The following TRA2B variants were observed in gnomAD, a reference collection of about 807,000 sequenced individuals.
TRA2B encodes the protein transformer 2 beta homolog.
Under a neutral mutation model 41.7 loss-of-function variants are expected in TRA2B, and 14 were observed. That is an observed-to-expected ratio of 0.34 (90% CI 0.22 to 0.53). The LOEUF is 0.53. Ranked by LOEUF, TRA2B falls within the 20% of genes least tolerant of loss-of-function variation. The probability of loss-of-function intolerance (pLI) is 0.95; values close to 1 mark genes in which losing one functional copy is unlikely to be tolerated. For missense variants in TRA2B, 167 were observed against 396.8 expected (o/e 0.42, Z 4.92); for synonymous variants, 130 against 128.8 (o/e 1.01, Z -0.06).
At chr3:185,931,795 A>G in intron 1 of TRA2B, 1 of 1,506,814 alleles carries the variant, frequency 6.6e-7, no homozygotes, top group Non-Finnish European at 8.8e-7. Context: ...AGCTTCAAAT[A>G]CTCATTTATA....
intron 1 of TRA2B, among the ~76,000 whole-genome samples, chr3:185,932,235 C>T (rs548974715): frequency 6.8e-4 from 104 of 152,212 alleles, no homozygotes; most frequent in African/African-American, 2.4e-3. Context: ...TACATAAGTG[C>T]ATGAAAGGAA....
At chr3:185,934,660 G>C in intron 1 of TRA2B, 3 of 985,296 alleles carry the variant, frequency 3.0e-6, no homozygotes, top group Non-Finnish European at 3.6e-6. Flanking sequence ...TTAGAAAGAA[G>C]TAGATTCAGA....
At chr3:185,926,271 T>C (rs1743949143) in intron 2 of TRA2B, among the ~76,000 whole-genome samples, 1 of 152,032 alleles carries the variant, frequency 6.6e-6, no homozygotes. Flanking sequence ...CTGCAGTATA[T>C]TTGCCATACT....
At chr3:185,921,535 C>T (rs565386300) in intron 5 of TRA2B, among the ~76,000 whole-genome samples, 1 of 152,082 alleles carries the variant, frequency 6.6e-6, no homozygotes, top group South Asian at 2.1e-4. Flanking sequence ...GAGGCCGAGG[C>T]GGGCAGATCA....
At chr3:185,917,857 GAGAA>G in intron 8 of TRA2B, 132 bp from the exon 9 acceptor site, 1 of 795,132 alleles carries the variant, frequency 1.3e-6, no homozygotes, top group Non-Finnish European at 2.1e-6. Context: ...CCCCCAAATA[GAGAA>G]AGACTTCCAT....
intron 1 of TRA2B, chr3:185,936,862 C>A: frequency 6.1e-6 from 6 of 985,300 alleles, no homozygotes; most frequent in Non-Finnish European, 7.2e-6. Flanking sequence ...CTGTTTAAAC[C>A]CTAGAACTGT....
At position 185,915,060 on chromosome 3, in the gene TRA2B, T is replaced by C. The variant is rs1743455281; in HGVS notation, c.*2655A>G. On this transcript the variant is annotated 3_prime_UTR_variant, in exon 9 of 9. Coordinates refer to ENST00000453386, the MANE Select transcript of TRA2B (RefSeq NM_004593.3). Reference sequence around the variant, plus strand: ...TAAGGAAATGTGCAAGCTAGATCCCTCTCAAGCGCACTTCACAATAGGATT... The same window carrying C: ...TAAGGAAATGTGCAAGCTAGATCCCCCTCAAGCGCACTTCACAATAGGATT... 6.6e-6 allele frequency among the ~76,000 whole-genome samples: 1 copy of C among 152,210 alleles called. No individual in the cohort carries two copies. The highest frequency in any genetic ancestry group is 6.5e-5 in the Admixed American group (1 of 15,284).
rs1412308634 is a variant in TRA2B, at chr3:185,937,917, C to T, written c.-57G>A. ...TTCAATCGAAGCTGCCAACCTCTTG[C>T]ACCTTCCTTAAGGAGGCTCCGCCGC... On this transcript the variant is annotated 5_prime_UTR_variant, in exon 1 of 9. Coordinates refer to ENST00000453386, the MANE Select transcript of TRA2B (RefSeq NM_004593.3). 7 of 1,608,546 alleles carry T rather than the reference C, an allele frequency of 4.4e-6. No individual in the cohort carries two copies. Among genetic ancestry groups the T allele is most frequent in the South Asian group, 1.1e-5 (1 of 90,996 alleles).
intron 6 of TRA2B, 119 bp downstream of exon 6, chr3:185,920,985 G>T: frequency 1.5e-6 from 1 of 687,686 alleles, no homozygotes; most frequent in Non-Finnish European, 2.4e-6. Context: ...TTTCTACTCT[G>T]CATTTCTCGA....
At chr3:185,923,721 C>T in intron 4 of TRA2B, 75 bp downstream of exon 4, 2 of 1,388,822 alleles carry the variant, frequency 1.4e-6, no homozygotes, top group Non-Finnish European at 1.9e-6. Context: ...TTGTCCTTAT[C>T]CTAGCAATTG....
In TRA2B at chr3:185,923,880, A is replaced by G; in HGVS notation, c.438T>C (p.Asp146=). The change falls in exon 4 of 9, where the codon GAT becomes GAC. Residue 146 remains aspartate, a synonymous_variant. Coordinates refer to ENST00000453386, the MANE Select transcript of TRA2B (RefSeq NM_004593.3). ...ACTGCTGGTCATATACAATAGACAC[A>G]TCGGCAATGGGACCATATTTAGAGA... ...EVFSKYGPIA[D]VSIVYDQQSR... is the part of the protein sequence containing the mutation. 6.2e-7 allele frequency: 1 copy of G among 1,614,186 alleles called. No homozygotes were observed. The highest frequency in any genetic ancestry group is 8.5e-7 in the Non-Finnish European group (1 of 1,180,030).
intron 4 of TRA2B, chr3:185,922,414 A>C (rs1743776644): frequency 4.2e-6 from 1 of 235,544 alleles, no homozygotes; most frequent in Admixed American, 5.6e-5. Flanking sequence ...CTGTAGGTCA[A>C]ATCTGGCCAG....
chr3:185,932,872 A>T (rs1744202673), intron 1 of TRA2B, among the ~76,000 whole-genome samples: 1 of 152,128 alleles, frequency 6.6e-6, no homozygotes, highest in African/African-American at 2.4e-5. Flanking sequence ...GGCTTTGTTT[A>T]AAAAAATTGC....
chr3:185,935,670 G>A, intron 1 of TRA2B: 1 of 985,440 alleles, frequency 1.0e-6, no homozygotes. Context: ...CTCCAGAGAA[G>A]CATCATTTAC....
chr3:185,915,544 TCTCA>T lies in TRA2B; in HGVS notation c.*2167_*2170del, dbSNP rs1743472205. Among the ~76,000 whole-genome samples, 1 of 152,182 alleles carries T rather than the reference TCTCA, an allele frequency of 6.6e-6. No individual in the cohort carries two copies. Among genetic ancestry groups the T allele is most frequent in the Non-Finnish European group, 1.5e-5 (1 of 68,024 alleles). The stretch of plus-strand genomic sequence containing the variant: ...AGCACATCAAAAGACTACCACTTTG[TCTCA>T]CTACTTCTCAGTCTATCTCAACTTG... On this transcript the variant is annotated 3_prime_UTR_variant, in exon 9 of 9. Coordinates refer to ENST00000453386, the MANE Select transcript of TRA2B (RefSeq NM_004593.3).
chr3:185,926,193 TAA>T lies in TRA2B; in HGVS notation c.170+406_170+407del, dbSNP rs11425526. Among the ~76,000 whole-genome samples, 52 of 144,098 alleles carry T rather than the reference TAA, an allele frequency of 3.6e-4. No homozygotes were observed. The East Asian group carries it at 7.7e-3, about 21-fold the overall frequency. 94.5% of individuals were successfully genotyped at this position (144,098 alleles called of 152,430 possible). Reference sequence around the variant, plus strand: ...TATATAGCCTACTTTTGACCAACATTAAAAAAAAAAAAGCGCACCATATATAT... The same window carrying T: ...TATATAGCCTACTTTTGACCAACATTAAAAAAAAAAGCGCACCATATATAT... On this transcript the variant is annotated intron_variant, in intron 2 of 8. Transcript: ENST00000453386.
rs968695780 is a variant in TRA2B at position 185,915,571 on chromosome 3, T to C, written c.*2144A>G. Among the ~76,000 whole-genome samples the C allele has an allele frequency of 1.3e-5, 2 of 152,188 alleles. No individual in the cohort carries two copies. Among genetic ancestry groups the C allele is most frequent in the Admixed American group, 6.5e-5 (1 of 15,284 alleles). On this transcript the variant is annotated 3_prime_UTR_variant, in exon 9 of 9. Transcript: ENST00000453386. Reference sequence around the variant, plus strand: ...TCACTACTTCTCAGTCTATCTCAACTTGGTAAAATTCCAAATTTTCCTCAG... The same window carrying C: ...TCACTACTTCTCAGTCTATCTCAACCTGGTAAAATTCCAAATTTTCCTCAG...
At position 185,926,753 on chromosome 3, in the gene TRA2B, A is replaced by G. The variant is rs750009865; in HGVS notation, c.37-19T>C. 12 of 1,613,280 alleles carry G rather than the reference A, an allele frequency of 7.4e-6. No homozygotes were observed. In the Admixed American group the frequency reaches 1.0e-4, roughly 13 times the overall value. On this transcript the variant is annotated intron_variant, in intron 1 of 8. Transcript: ENST00000453386. ...GGGATTCCTACACGTAGATGTTAAA[A>G]GTTTAATTTGCACACTTTCTGGGCA...
chr3:185,921,263 T>C, intron 5 of TRA2B, 76 bp from the exon 6 acceptor site: 1 of 1,198,686 alleles, frequency 8.3e-7, no homozygotes, highest in Non-Finnish European at 1.2e-6. Context: ...AGTAGGCCTT[T>C]TCTGACACAT....
Sources: gnomAD v4.1 joint callset for allele counts (sites outside exome capture counted in the v4.1 genomes callset) on GRCh38, gnomAD v4.1.1 for gene constraint, MANE v1.5 for transcripts, NCBI Gene and HGNC (gene_info 2026-07-23, HGNC 2026-07-21) for gene names.